MBD5: variants seen among roughly 807,000 people sequenced by gnomAD.
MBD5 encodes methyl-CpG-binding domain protein 5.
In MBD5, 13 loss-of-function variants were observed where a neutral mutation model predicts 117.3. The observed-to-expected ratio is 0.11, with a 90% CI of 0.07 to 0.18. The LOEUF is 0.18. Among genes scored for constraint, MBD5 ranks in the 10% least tolerant of loss-of-function variants. MBD5 has a pLI of 1.00. For synonymous variants in MBD5, 727 were observed against 766.4 expected (o/e 0.95, Z 0.85); for missense variants, 1,879 against 2,093.8 (o/e 0.90, Z 2.00).
At chr2:148,397,619 G>A (rs568783326) in intron 4 of MBD5, among the ~76,000 whole-genome samples, 27 of 152,034 alleles carry the variant, frequency 1.8e-4, no homozygotes, top group South Asian at 1.5e-3. Context: ...GTGAGCCACC[G>A]CGCCCAGCCT....
At chr2:148,050,604 T>G (rs1161564339) in intron 1 of MBD5, among the ~76,000 whole-genome samples, 1 of 152,168 alleles carries the variant, frequency 6.6e-6, no homozygotes, top group African/African-American at 2.4e-5. Context: ...TGGTGTTAAT[T>G]TAATAGATTA....
intron 3 of MBD5, among the ~76,000 whole-genome samples, chr2:148,279,555 C>T (rs1000317125): frequency 9.2e-5 from 14 of 152,196 alleles, no homozygotes; most frequent in African/African-American, 3.1e-4. Flanking sequence ...TCCCTTCATC[C>T]AGTCAAGATG....
chr2:148,038,756 G>C (rs539833451), intron 1 of MBD5, among the ~76,000 whole-genome samples: 6 of 151,968 alleles, frequency 3.9e-5, no homozygotes, highest in Admixed American at 3.9e-4. Flanking sequence ...GAAGTTAGGT[G>C]ATTTTATCTT....
intron 1 of MBD5, among the ~76,000 whole-genome samples, chr2:148,151,619 T>A (rs889180755): frequency 1.3e-5 from 2 of 152,108 alleles, no homozygotes; most frequent in Non-Finnish European, 2.9e-5. Context: ...CAATTTCAGA[T>A]CCTGTTATTG....
chr2:148,510,148 AT>A lies in MBD5; in HGVS notation c.5112+18del. On this transcript the variant is annotated intron_variant, in intron 13 of 13. Coordinates refer to ENST00000642680, the MANE Select transcript of MBD5 (RefSeq NM_001378120.1). ...AATGTCTGGGACTGTAAGTTAATTT[AT>A]TTTTCCATTATACTACGTTTCTTTG... 6.3e-7 allele frequency: 1 copy of A among 1,575,094 alleles called. No individual in the cohort carries two copies. The highest frequency in any genetic ancestry group is 8.7e-7 in the Non-Finnish European group (1 of 1,144,884).
intron 2 of MBD5, among the ~76,000 whole-genome samples, chr2:148,229,908 C>G (rs941988063): frequency 2.0e-5 from 3 of 152,310 alleles, no homozygotes; most frequent in South Asian, 2.1e-4. Context: ...CTCTGTCTCT[C>G]TCTCTCTGTT....
intron 3 of MBD5, among the ~76,000 whole-genome samples, chr2:148,253,742 A>C (rs982509851): frequency 2.6e-5 from 4 of 152,046 alleles, no homozygotes; most frequent in African/African-American, 9.7e-5. Context: ...ACATGGCTTT[A>C]CTCTCTCTCT....
chr2:148,385,346 G>A (rs1229069229), intron 4 of MBD5, among the ~76,000 whole-genome samples: 1 of 152,226 alleles, frequency 6.6e-6, no homozygotes, highest in Non-Finnish European at 1.5e-5. Flanking sequence ...GCAGCCAAAA[G>A]ACACATGAAA....
chr2:148,258,518 T>C (rs537198276), intron 3 of MBD5, among the ~76,000 whole-genome samples: 1 of 152,200 alleles, frequency 6.6e-6, no homozygotes. Flanking sequence ...AATCGTCCAG[T>C]GTCCCCCCAA....
chr2:148,178,319 T>C (rs543097937), intron 1 of MBD5, among the ~76,000 whole-genome samples: 2 of 152,344 alleles, frequency 1.3e-5, no homozygotes, highest in African/African-American at 4.8e-5. Flanking sequence ...ATTAAGAATA[T>C]TTTTGTAATA....
intron 1 of MBD5, among the ~76,000 whole-genome samples, chr2:148,089,804 C>G (rs1695890069): frequency 6.6e-6 from 1 of 151,772 alleles, no homozygotes; most frequent in Admixed American, 6.6e-5. Flanking sequence ...AAGAACAAAC[C>G]AAATCCAAAC....
At chr2:148,166,663 A>G (rs6731167) in intron 1 of MBD5, among the ~76,000 whole-genome samples, 3,928 of 152,184 alleles carry the variant, frequency 0.026, 99 homozygotes, top group African/African-American at 0.067. Flanking sequence ...GTATTTTCAC[A>G]TGAGGGTACT....
intron 4 of MBD5, chr2:148,346,500 A>G (rs888832313): frequency 6.6e-6 from 1 of 152,064 alleles, no homozygotes; most frequent in African/African-American, 2.4e-5. Flanking sequence ...AACATTTGAC[A>G]TTAACTTTAT....
intron 2 of MBD5, among the ~76,000 whole-genome samples, chr2:148,198,469 T>C (rs1408225373): frequency 6.6e-6 from 1 of 152,190 alleles, no homozygotes; most frequent in Admixed American, 6.5e-5. Flanking sequence ...TGAGGTTTTA[T>C]ATATTATGAT....
At chr2:148,342,827 T>C (rs1702982267) in intron 4 of MBD5, among the ~76,000 whole-genome samples, 1 of 151,994 alleles carries the variant, frequency 6.6e-6, no homozygotes, top group African/African-American at 2.4e-5. Context: ...GTTAACTGGG[T>C]ATACTGCATG....
At chr2:148,061,052 G>A (rs574983804) in intron 1 of MBD5, among the ~76,000 whole-genome samples, 1 of 152,122 alleles carries the variant, frequency 6.6e-6, no homozygotes, top group East Asian at 1.9e-4. Flanking sequence ...TTTTGAAATA[G>A]TTTTTGCGGT....
At chr2:148,187,456 C>A (rs1387700621) in intron 2 of MBD5, among the ~76,000 whole-genome samples, 1 of 151,930 alleles carries the variant, frequency 6.6e-6, no homozygotes, top group East Asian at 1.9e-4. Context: ...AAAATAGAAA[C>A]ATAAAAATCC....
In MBD5 at chr2:148,449,294, A is replaced by C. The variant is rs537401171; in HGVS notation, c.-556-8909A>C. On this transcript the variant is annotated intron_variant, in intron 4 of 13. Coordinates refer to ENST00000642680, the MANE Select transcript of MBD5 (RefSeq NM_001378120.1). ...ACTTCCCACCTCCTTATGTATTTTC[A>C]AAGGCACAAAGTGAAGCTTTAACCT... is the stretch of plus-strand genomic sequence containing the variant. 8.5e-5 allele frequency among the ~76,000 whole-genome samples: 13 copies of C among 152,194 alleles called. No individual in the cohort carries two copies. In the South Asian group the frequency reaches 1.9e-3, roughly 22 times the overall value.
At chr2:148,180,360 A>ATATATATATATATATG (rs1233664521) in intron 2 of MBD5, among the ~76,000 whole-genome samples, 2 of 118,768 alleles carry the variant, frequency 1.7e-5, no homozygotes, top group Admixed American at 8.5e-5. Context: ...ATATATATAT[A>ATATATATATATATATG]TGTATATATG....
Sources: allele counts gnomAD v4.1 joint callset (sites outside exome capture counted in the v4.1 genomes callset), GRCh38; gene constraint gnomAD v4.1.1; transcripts MANE v1.5; gene names NCBI Gene and HGNC (gene_info 2026-07-23, HGNC 2026-07-21).